PRKG1: variants seen among roughly 807,000 people sequenced by gnomAD.
The protein encoded by PRKG1 is cGMP-dependent protein kinase 1.
Under a neutral mutation model 88.1 loss-of-function variants are expected in PRKG1, and 35 were observed. That is an observed-to-expected ratio of 0.40 (90% CI 0.30 to 0.53). The LOEUF (loss-of-function observed/expected upper bound fraction) is 0.53, where lower values mean the gene tolerates loss of function less well. Ranked by LOEUF, PRKG1 falls within the 20% of genes least tolerant of loss-of-function variation. The pLI is 0.59. For synonymous variants in PRKG1, 303 were observed against 292.5 expected, an observed-to-expected ratio of 1.04 and a Z score of -0.37; for missense variants, 540 against 839.8, an observed-to-expected ratio of 0.64 and a Z score of 4.41.
intron 2 of PRKG1, among the ~76,000 whole-genome samples, chr10:51,448,603 C>T (rs761378026): frequency 1.1e-4 from 16 of 152,102 alleles, no homozygotes; most frequent in South Asian, 2.1e-4. Flanking sequence ...AAACAACAAA[C>T]GAACAACAAG....
At chr10:51,634,090 G>A (rs1331913367) in intron 3 of PRKG1, among the ~76,000 whole-genome samples, 1 of 152,080 alleles carries the variant, frequency 6.6e-6, no homozygotes, top group Non-Finnish European at 1.5e-5. Context: ...GGAGAAGGAA[G>A]GCAAGATAAC....
At chr10:51,402,744 A>G (rs1313469176) in intron 2 of PRKG1, among the ~76,000 whole-genome samples, 1 of 152,146 alleles carries the variant, frequency 6.6e-6, no homozygotes. Flanking sequence ...ATTAGAAGAA[A>G]AACTAAAGTA....
chr10:52,211,357 C>T (rs1368841194), intron 9 of PRKG1, among the ~76,000 whole-genome samples: 1 of 152,214 alleles, frequency 6.6e-6, no homozygotes, highest in South Asian at 2.1e-4. Context: ...TTTTTCGCAA[C>T]TAATTATTTA....
intron 2 of PRKG1, among the ~76,000 whole-genome samples, chr10:51,334,327 A>G (rs957296747): frequency 6.6e-6 from 1 of 152,134 alleles, no homozygotes; most frequent in African/African-American, 2.4e-5. Context: ...TACAAATCAG[A>G]TACCTTTCTA....
chr10:51,114,855 T>C (rs1437945538), intron 1 of PRKG1, among the ~76,000 whole-genome samples: 1 of 152,204 alleles, frequency 6.6e-6, no homozygotes, highest in Non-Finnish European at 1.5e-5. Flanking sequence ...TTCTGCATTT[T>C]AAGTATTTAT....
intron 3 of PRKG1, among the ~76,000 whole-genome samples, chr10:51,619,781 CATTCAT>C (rs1839160078): frequency 6.6e-6 from 1 of 152,056 alleles, no homozygotes; most frequent in Non-Finnish European, 1.5e-5. Context: ...TCCTAAAGCA[CATTCAT>C]AGGTAAATGC....
At chr10:51,857,645 A>AT (rs1180067846) in intron 4 of PRKG1, among the ~76,000 whole-genome samples, 5 of 151,968 alleles carry the variant, frequency 3.3e-5, no homozygotes, top group African/African-American at 4.8e-5. Context: ...ATTTTATTTT[A>AT]TTTTTTTCCA....
intron 5 of PRKG1, among the ~76,000 whole-genome samples, chr10:52,006,952 G>A (rs1844751672): frequency 6.6e-6 from 1 of 152,144 alleles, no homozygotes; most frequent in Non-Finnish European, 1.5e-5. Context: ...CAAGCCAGAA[G>A]ACATTGGGGA....
chr10:51,243,493 A>G (rs1839208133), intron 2 of PRKG1, among the ~76,000 whole-genome samples: 1 of 152,122 alleles, frequency 6.6e-6, no homozygotes, highest in South Asian at 2.1e-4. Context: ...GCAGGTGCCT[A>G]CCTAGTTCCC....
chr10:51,167,740 A>G (rs1471153697), intron 2 of PRKG1, among the ~76,000 whole-genome samples: 1 of 152,168 alleles, frequency 6.6e-6, no homozygotes, highest in East Asian at 1.9e-4. Flanking sequence ...AATGACTTGT[A>G]TGTTTTTATG....
rs1479268503 is a variant in PRKG1, at chr10:51,125,908, G to A, written c.312-27256G>A. On this transcript the variant is annotated intron_variant, in intron 1 of 17. Coordinates refer to ENST00000373980, the MANE Select transcript of PRKG1 (RefSeq NM_006258.4). ...TATGATTTATAATTATAAAAAGTGT[G>A]TAATTTATAAATATATAAATTATAT... Among the ~76,000 whole-genome samples, 38 of 129,876 alleles carry A rather than the reference G, an allele frequency of 2.9e-4. 1 individual carries two copies. In the South Asian group the frequency reaches 8.5e-3, roughly 29 times the overall value. The allele number at this position is 129,876 out of a possible 152,430, so 85.2% of individuals were successfully genotyped here.
chr10:51,905,848 T>A (rs1405033010), intron 4 of PRKG1, among the ~76,000 whole-genome samples: 1 of 152,190 alleles, frequency 6.6e-6, no homozygotes, highest in Non-Finnish European at 1.5e-5. Context: ...CTTTCATAAC[T>A]ACATTCAAAA....
intron 5 of PRKG1, among the ~76,000 whole-genome samples, chr10:52,008,792 T>C (rs1844805583): frequency 6.6e-6 from 1 of 152,088 alleles, no homozygotes; most frequent in Non-Finnish European, 1.5e-5. Flanking sequence ...AGCAAAATAC[T>C]AGCAAAATGA....
intron 2 of PRKG1, among the ~76,000 whole-genome samples, chr10:51,216,653 T>C (rs1838379508): frequency 6.6e-6 from 1 of 152,176 alleles, no homozygotes; most frequent in Non-Finnish European, 1.5e-5. Context: ...CAAGATTATG[T>C]AGGAAAATAG....
chr10:51,034,666 A>ATTT (rs5784854), intron 1 of PRKG1, among the ~76,000 whole-genome samples: 22 of 25,756 alleles, frequency 8.5e-4, no homozygotes, highest in Admixed American at 4.5e-3. Context: ...ATAATATGTT[A>ATTT]TTTATATATA....
chr10:52,161,388 G>A, intron 8 of PRKG1, among the ~76,000 whole-genome samples: 1 of 151,904 alleles, frequency 6.6e-6, no homozygotes, highest in African/African-American at 2.4e-5. Context: ...TTTTGCCTGT[G>A]AACCTTAGTT....
chr10:52,005,716 G>A (rs1844717157), intron 5 of PRKG1, among the ~76,000 whole-genome samples: 1 of 152,110 alleles, frequency 6.6e-6, no homozygotes, highest in South Asian at 2.1e-4. Flanking sequence ...GTCTTCTGTT[G>A]CTCTAGAAAC....
intron 3 of PRKG1, among the ~76,000 whole-genome samples, chr10:51,758,818 G>T (rs1352941167): frequency 6.6e-6 from 1 of 152,008 alleles, no homozygotes; most frequent in African/African-American, 2.4e-5. Flanking sequence ...CATGCATTAG[G>T]TATTTTTCCT....
chr10:51,550,151 T>A (rs1358178651), intron 3 of PRKG1, among the ~76,000 whole-genome samples: 2 of 152,100 alleles, frequency 1.3e-5, no homozygotes, highest in African/African-American at 4.8e-5. Context: ...AACCTAAAAC[T>A]TATAAAATCC....
Sources: gnomAD v4.1 joint callset for allele counts (sites outside exome capture counted in the v4.1 genomes callset) on GRCh38, gnomAD v4.1.1 for gene constraint, MANE v1.5 for transcripts, NCBI Gene and HGNC (gene_info 2026-07-23, HGNC 2026-07-21) for gene names.